VWA5B2: variants seen among roughly 807,000 people sequenced by gnomAD.
VWA5B2 encodes the protein von Willebrand factor A domain containing 5B2.
In VWA5B2, 93 loss-of-function variants were observed where a neutral mutation model predicts 118.5. The observed-to-expected ratio is 0.79, with a 90% CI of 0.66 to 0.93. The LOEUF is 0.93. VWA5B2 is among the 40% of genes least tolerant of loss of function. VWA5B2 has a pLI of 0.00. For synonymous variants in VWA5B2, 708 were observed against 716.3 expected (o/e 0.99, Z 0.19); for missense variants, 1,546 against 1,672.8 (o/e 0.92, Z 1.32).
chr3:184,234,634 C>T lies in VWA5B2; in HGVS notation c.824C>T (p.Pro275Leu). ...GAATTGTGTCCTCTCCTCTCAGAGC[C>T]CCATCAGCCACACCTGATGCTGGAG... ...ALEILLHPSE[P>L]HQPHLMLEGG... The change falls in exon 7 of 20, where the codon CCC (proline) becomes CTC (leucine). Residue 275 changes from proline to leucine, a missense_variant. By Grantham distance (98) the Pro-to-Leu change is moderately conservative. This residue lies in a region of VWA5B2 where 775 missense variants were observed against 882.3 expected (regional missense o/e 0.88). Coordinates refer to ENST00000691901, the MANE Select transcript of VWA5B2 (RefSeq NM_001390846.1). 6.4e-7 allele frequency: 1 copy of T among 1,551,230 alleles called. No individual in the cohort carries two copies. Among genetic ancestry groups the T allele is most frequent in the South Asian group, 1.2e-5 (1 of 84,034 alleles).
intron 8 of VWA5B2, 68 bp downstream of exon 8, chr3:184,235,376 G>T: frequency 1.3e-6 from 2 of 1,502,068 alleles, no homozygotes; most frequent in Admixed American, 2.1e-5. Flanking sequence ...GAGGGCTGGG[G>T]GCAGCCTCTT....
intron 6 of VWA5B2, 85 bp from the exon 7 acceptor site, chr3:184,234,546 G>T (rs1194356066): frequency 2.1e-5 from 32 of 1,522,602 alleles, no homozygotes; most frequent in Non-Finnish European, 2.6e-5. Context: ...GGCTGGACCT[G>T]CAGGCTCCTC....
Position 184,231,741 on chromosome 3 carries a change from GT to G in VWA5B2, c.310+826del, listed in dbSNP as rs373856474. 3.3e-5 allele frequency among the ~76,000 whole-genome samples: 5 copies of G among 152,338 alleles called. No individual in the cohort carries two copies. In the East Asian group the frequency reaches 5.8e-4, roughly 18 times the overall value. On this transcript the variant is annotated intron_variant, in intron 3 of 19. Transcript: ENST00000691901. Reference sequence around the variant, plus strand: ...GTGCTGTGTGCTGTGCTTGCACCTGGTTCTTTCATTGATTCATTCATACATG... The same window carrying G: ...GTGCTGTGTGCTGTGCTTGCACCTGGTCTTTCATTGATTCATTCATACATG...
At chr3:184,235,999 C>A in intron 8 of VWA5B2, among the ~76,000 whole-genome samples, 153 bp from the exon 9 acceptor site, 1 of 152,274 alleles carries the variant, frequency 6.6e-6, no homozygotes, top group East Asian at 1.9e-4. Context: ...TGGGGGCTCA[C>A]TGGCACACTT....
At position 184,236,431 on chromosome 3, in the gene VWA5B2, T is replaced by C. The variant is rs1718004198; in HGVS notation, c.1301T>C (p.Val434Ala). Residue 434 changes from valine to alanine, a missense_variant, in exon 10 of 20, where the codon GTG becomes GCG. Coordinates refer to ENST00000691901, the MANE Select transcript of VWA5B2 (RefSeq NM_001390846.1). ...PDVLAALDWA[V>A]GQPQHRAYPR... ...GTGCTGGCTGCTCTGGACTGGGCCG[T>C]GGGGCAGCCCCAGCACAGGGCCTAC... The C allele has an allele frequency of 1.9e-6, 3 of 1,546,928 alleles. No homozygotes were observed. In the African/African-American group the frequency reaches 4.1e-5, roughly 21 times the overall value.
Position 184,237,100 on chromosome 3 carries a change from T to A in VWA5B2, c.1534-126T>A. On this transcript the variant is annotated intron_variant, in intron 11 of 19. Coordinates refer to ENST00000691901, the MANE Select transcript of VWA5B2 (RefSeq NM_001390846.1). The surrounding 1 kb of genome is among the most constrained non-coding windows in gnomAD (Gnocchi z 5.6). ...CTCATTCCTTCTCCTGACCCCAGCC[T>A]GGCCCTGTGCCCCATCAGCTTAGGG... The A allele has an allele frequency of 1.9e-6, 2 of 1,060,228 alleles. No individual in the cohort carries two copies. The highest frequency in any genetic ancestry group is 2.7e-6 in the Non-Finnish European group (2 of 740,224). The allele number at this position is 1,060,228 out of a possible 1,614,324, so 65.7% of individuals were successfully genotyped here.
chr3:184,235,275 C>T lies in VWA5B2; in HGVS notation c.1068C>T (p.Leu356=), dbSNP rs1717851660. ...TGGGGACAGCTACTCGGGAGCTACT[C>T]TTCCTTTTGGATAGCAGCAGCGTGG... is the stretch of plus-strand genomic sequence containing the variant. ...GHLGTATREL[L]FLLDSSSVAH... Residue 356 remains leucine (L), a synonymous_variant, in exon 8 of 20, where the codon CTC becomes CTT. Transcript: ENST00000691901. 3.9e-6 allele frequency: 6 copies of T among 1,551,470 alleles called. No individual in the cohort carries two copies. In the East Asian group the frequency reaches 9.8e-5, roughly 25 times the overall value.
Position 184,242,127 on chromosome 3 carries a change from G to A in VWA5B2, c.*89G>A. On this transcript the variant is annotated 3_prime_UTR_variant, in exon 20 of 20. Coordinates refer to ENST00000691901, the MANE Select transcript of VWA5B2 (RefSeq NM_001390846.1). ...GCTGGCCTCTTGGTGCTGGGAAAGT[G>A]TAGGCTGGTGCCAGCCTGTCCCCCA... 1 of 1,465,342 alleles carries A rather than the reference G, an allele frequency of 6.8e-7. No homozygotes were observed. Among genetic ancestry groups the A allele is most frequent in the Non-Finnish European group, 9.2e-7 (1 of 1,092,294 alleles). The allele number at this position is 1,465,342 out of a possible 1,614,324, so 90.8% of individuals were successfully genotyped here.
intron 3 of VWA5B2, among the ~76,000 whole-genome samples, chr3:184,232,386 G>A (rs201134440): frequency 1.3e-5 from 2 of 152,250 alleles, no homozygotes; most frequent in East Asian, 3.9e-4. Context: ...CCACTGTGTC[G>A]GTTGGCTGGG....
rs1718343834 is a variant in VWA5B2 at position 184,239,515 on chromosome 3, T to C, written c.2324T>C (p.Leu775Ser). 1.9e-6 allele frequency: 3 copies of C among 1,549,566 alleles called. No individual in the cohort carries two copies. In the South Asian group the frequency reaches 3.6e-5, roughly 18 times the overall value. Residue 775 changes from leucine to serine, a missense_variant, in exon 15 of 20, where the codon TTG (leucine) becomes TCG (serine). Transcript: ENST00000691901. This position sits in a 1 kb window ranked among gnomAD's most constrained non-coding sequence, Gnocchi z 5.1. ...QVPGRPRKPS[L>S]GAILDGPSPE... ...CCCGGCCGACCCCGGAAACCCTCTT[T>C]GGGTGCAATACTAGATGGCCCAAGT...
At chr3:184,240,975 T>G in intron 17 of VWA5B2, 47 bp downstream of exon 17, 12 of 1,551,476 alleles carry the variant, frequency 7.7e-6, no homozygotes, top group Non-Finnish European at 9.6e-6. Flanking sequence ...CTCACCTCAC[T>G]GGCCACTCTC....
Position 184,239,373 on chromosome 3 carries a change from G to C in VWA5B2, c.2203-21G>C. ...AGGGTTCTGCATTCCTTGACCAGTG[G>C]CCCCCATATCTCACATGCAGGTGGG... On this transcript the variant is annotated intron_variant, in intron 14 of 19. Transcript: ENST00000691901. The surrounding 1 kb of genome is among the most constrained non-coding windows in gnomAD (Gnocchi z 5.1). The C allele has an allele frequency of 6.6e-7, 1 of 1,512,952 alleles. No individual in the cohort carries two copies. Among genetic ancestry groups the C allele is most frequent in the Non-Finnish European group, 8.9e-7 (1 of 1,123,160 alleles). The allele number at this position is 1,512,952 out of a possible 1,614,324, so 93.7% of individuals were successfully genotyped here.
At chr3:184,232,900 C>T (rs937054342) in intron 3 of VWA5B2, 2 of 524,490 alleles carry the variant, frequency 3.8e-6, no homozygotes, top group Non-Finnish European at 6.7e-6. Context: ...TTCCCAGGGC[C>T]TTGAGAGTGG....
At position 184,241,575 on chromosome 3, in the gene VWA5B2, G is replaced by A. The variant is rs1484439148; in HGVS notation, c.3266G>A (p.Arg1089His). The change falls in exon 20 of 20, where the codon CGT becomes CAT. Residue 1089 changes from arginine (R) to histidine (H), a missense_variant. This residue lies in a region of VWA5B2 where 763 missense variants were observed against 766.6 expected (regional missense o/e 1.00). Coordinates refer to ENST00000691901, the MANE Select transcript of VWA5B2 (RefSeq NM_001390846.1). This position sits in a 1 kb window ranked among gnomAD's most constrained non-coding sequence, Gnocchi z 5.1. ...CGCATCTCGCAGGAGCGCCTCTGCC[G>A]TGCCTCGCCCTTTGCCGTGCACCGC... ...AVRISQERLCRASPFAVHRAS... is the reference protein window; with the variant it reads ...AVRISQERLCHASPFAVHRAS... The A allele has an allele frequency of 2.6e-6, 4 of 1,547,814 alleles. No individual in the cohort carries two copies. The highest frequency in any genetic ancestry group is 3.5e-6 in the Non-Finnish European group (4 of 1,146,710).
rs1717765685 is a variant in VWA5B2, at chr3:184,234,632, G to A, written c.822G>A (p.Glu274=). ...RALEILLHPS[E]PHQPHLMLEG... ...CAGAATTGTGTCCTCTCCTCTCAGA[G>A]CCCCATCAGCCACACCTGATGCTGG... Residue 274 remains glutamate, a splice_region_variant and synonymous_variant, in exon 7 of 20, where the codon GAG becomes GAA. Transcript: ENST00000691901. 3.9e-6 allele frequency: 6 copies of A among 1,551,184 alleles called. No individual in the cohort carries two copies. Among genetic ancestry groups the A allele is most frequent in the Non-Finnish European group, 4.4e-6 (5 of 1,146,912 alleles).
Position 184,233,386 on chromosome 3 carries a change from C to T in VWA5B2, c.519C>T (p.Leu173=), listed in dbSNP as rs746895747. ...GPPGPPRPPG[L]CDDSPTSCFG... ...CGGGGCCCCCCAGGCCTCCGGGGCTCTGTGACGACAGGTTGGGCCTATGGT... is the reference window on the plus strand; with the variant it reads ...CGGGGCCCCCCAGGCCTCCGGGGCTTTGTGACGACAGGTTGGGCCTATGGT... Residue 173 remains leucine, a synonymous_variant, in exon 4 of 20, where the codon CTC becomes CTT. Coordinates refer to ENST00000691901, the MANE Select transcript of VWA5B2 (RefSeq NM_001390846.1). The surrounding 1 kb of genome is among the most constrained non-coding windows in gnomAD (Gnocchi z 5.2). The T allele has an allele frequency of 1.6e-4, 251 of 1,536,404 alleles. 2 individuals are homozygous for T. Among genetic ancestry groups the T allele is most frequent in the South Asian group, 6.7e-4 (55 of 81,992 alleles).
chr3:184,233,863 C>T lies in VWA5B2; in HGVS notation c.688+130C>T. On this transcript the variant is annotated intron_variant, in intron 5 of 19. Coordinates refer to ENST00000691901, the MANE Select transcript of VWA5B2 (RefSeq NM_001390846.1). This position sits in a 1 kb window ranked among gnomAD's most constrained non-coding sequence, Gnocchi z 5.2. ...AAGACAGGGACCCCAGCCTCCGGAA[C>T]ATCTGGGTTAGTGGTGGGAGCATCC... 2.3e-6 allele frequency: 3 copies of T among 1,300,922 alleles called. No individual in the cohort carries two copies. Among genetic ancestry groups the T allele is most frequent in the Non-Finnish European group, 3.1e-6 (3 of 965,502 alleles). The allele number at this position is 1,300,922 out of a possible 1,614,324, so 80.6% of individuals were successfully genotyped here. A position where few individuals can be genotyped will look rare whatever the true frequency, so the allele number is the denominator to read the frequency against.
At position 184,238,776 on chromosome 3, in the gene VWA5B2, AG is replaced by A; in HGVS notation, c.2106del (p.Glu702AspfsTer37). 1 of 1,549,572 alleles carries A rather than the reference AG, an allele frequency of 6.5e-7. No individual in the cohort carries two copies. The highest frequency in any genetic ancestry group is 8.7e-7 in the Non-Finnish European group (1 of 1,146,002). ...PGSPEGSAPL[E>X]PPSQQGCRSL... ...TCCCCCGAAGGTAGTGCTCCCTTGG[AG>A]CCCCCTTCTCAGCAGGGCTGCCGCA... On this transcript the variant is annotated frameshift_variant, in exon 14 of 20. Transcript: ENST00000691901. LOFTEE classifies it high-confidence loss of function. This position sits in a 1 kb window ranked among gnomAD's most constrained non-coding sequence, Gnocchi z 5.0.
Position 184,238,344 on chromosome 3 carries a change from TC to T in VWA5B2, c.1763del (p.Pro588HisfsTer48). 1 of 1,548,298 alleles carries T rather than the reference TC, an allele frequency of 6.5e-7. No individual in the cohort carries two copies. Among genetic ancestry groups the T allele is most frequent in the Middle Eastern group, 1.7e-4 (1 of 5,978 alleles). ...GGCAGAGCTCGGGTGGGTCCGTGTT[TC>T]CATCCCCAGAAGAGGCCCCGTCTGC... The part of the protein sequence containing the change: ...GWQSSGGSVF[P>X]SPEEAPSAAS... On this transcript the variant is annotated frameshift_variant, in exon 13 of 20. Coordinates refer to ENST00000691901, the MANE Select transcript of VWA5B2 (RefSeq NM_001390846.1). LOFTEE classifies it high-confidence loss of function. This position sits in a 1 kb window ranked among gnomAD's most constrained non-coding sequence, Gnocchi z 5.0.
Sources: allele counts gnomAD v4.1 joint callset (sites outside exome capture counted in the v4.1 genomes callset), GRCh38; gene constraint gnomAD v4.1.1; regional missense constraint gnomAD v4.1.1; non-coding constraint Gnocchi (gnomAD v3.1); transcripts MANE v1.5; gene names NCBI Gene and HGNC (gene_info 2026-07-23, HGNC 2026-07-21).